Variants in BTG4 observed in about 807,000 individuals in gnomAD.
BTG4 encodes protein BTG4.
BTG4 carries 10 observed loss-of-function variants against 19.3 expected under a neutral mutation model. The ratio of observed to expected loss-of-function variants is 0.52; its 90% CI spans 0.32 to 0.88. The LOEUF is 0.88. Among genes scored for constraint, BTG4 ranks in the 40% least tolerant of loss-of-function variants. BTG4 has a pLI of 0.04. For synonymous variants in BTG4, 91 were observed against 95.7 expected (o/e 0.95, Z 0.29); for missense variants, 238 against 281.9 (o/e 0.84, Z 1.11).
At chr11:111,389,555 G>A in the BTG4 span, among the ~76,000 whole-genome samples, 10 of 152,314 alleles carry the variant, frequency 6.6e-5, no homozygotes, top group African/African-American at 2.4e-4. Flanking sequence ...TCCATGATCC[G>A]TGGTCCACCA....
the BTG4 span, chr11:111,454,465 A>G: frequency 2.7e-6 from 1 of 370,606 alleles, no homozygotes; most frequent in Non-Finnish European, 5.3e-6. Flanking sequence ...GAGTCCAAAG[A>G]ATATGGAACA....
intron 5 of BTG4, among the ~76,000 whole-genome samples, chr11:111,479,184 C>T (rs1193900714): frequency 6.6e-6 from 1 of 152,034 alleles, no homozygotes; most frequent in East Asian, 1.9e-4. Flanking sequence ...CATCAGAAAC[C>T]AGGAAGCCAG....
At chr11:111,434,776 C>A in the BTG4 span, among the ~76,000 whole-genome samples, 4 of 151,894 alleles carry the variant, frequency 2.6e-5, no homozygotes, top group African/African-American at 9.7e-5. Context: ...TCCTGGCAAT[C>A]CCTCTTCCTA....
chr11:111,390,852 C>T, the BTG4 span, among the ~76,000 whole-genome samples: 1 of 152,216 alleles, frequency 6.6e-6, no homozygotes, highest in Admixed American at 6.5e-5. Flanking sequence ...CCAGTTGAGG[C>T]AGACTTCACA....
the BTG4 span, among the ~76,000 whole-genome samples, chr11:111,408,764 C>A: frequency 6.6e-6 from 1 of 152,160 alleles, no homozygotes. Context: ...ACCTATTCAC[C>A]TATACAAAGA....
chr11:111,437,579 C>A, the BTG4 span, among the ~76,000 whole-genome samples: 2 of 152,198 alleles, frequency 1.3e-5, no homozygotes, highest in African/African-American at 4.8e-5. Flanking sequence ...GCCAGTGAAC[C>A]AGCCACTGAA....
chr11:111,486,027 G>C (rs1471187131), intron 5 of BTG4, among the ~76,000 whole-genome samples: 1 of 152,190 alleles, frequency 6.6e-6, no homozygotes, highest in Non-Finnish European at 1.5e-5. Context: ...AACCTGTCAA[G>C]ATTGAAACCT....
chr11:111,479,699 C>T (rs1326827270), intron 5 of BTG4, among the ~76,000 whole-genome samples: 2 of 151,938 alleles, frequency 1.3e-5, no homozygotes, highest in African/African-American at 2.4e-5. Context: ...ATATTTAATG[C>T]AAGTATATTA....
the BTG4 span, among the ~76,000 whole-genome samples, chr11:111,437,204 T>C: frequency 6.6e-6 from 1 of 151,984 alleles, no homozygotes; most frequent in East Asian, 1.9e-4. Flanking sequence ...CAATTTTTTC[T>C]TTGGCTTCCA....
At chr11:111,388,280 AGTTGGTTGGTTGGTTGGTTG>A in the BTG4 span, among the ~76,000 whole-genome samples, 2 of 145,590 alleles carry the variant, frequency 1.4e-5, no homozygotes, top group African/African-American at 5.0e-5. Context: ...GCCATGACTC[AGTTGGTTGGTTGGTTGGTTG>A]GTTGGTTGGT....
At chr11:111,405,132 G>A in the BTG4 span, among the ~76,000 whole-genome samples, 11 of 152,138 alleles carry the variant, frequency 7.2e-5, no homozygotes, top group East Asian at 5.8e-4. Context: ...CCGGCCAGGC[G>A]CGGTGGCTCA....
At chr11:111,510,353 C>T (rs746519373) in intron 1 of BTG4, among the ~76,000 whole-genome samples, 1 of 152,168 alleles carries the variant, frequency 6.6e-6, no homozygotes, top group Non-Finnish European at 1.5e-5. Context: ...TAGTCATCAA[C>T]CTTGTCTCTC....
chr11:111,423,074 C>T, the BTG4 span, among the ~76,000 whole-genome samples: 1 of 152,110 alleles, frequency 6.6e-6, no homozygotes. Context: ...CTGGCTGCTC[C>T]TCAGCAGACA....
chr11:111,492,012 A>T (rs2135640163), downstream of BTG4, among the ~76,000 whole-genome samples: 1 of 152,322 alleles, frequency 6.6e-6, no homozygotes, highest in African/African-American at 2.4e-5. Context: ...TCATATGCTC[A>T]TGGATGGCTG....
chr11:111,493,443 T>C (rs1290512749), downstream of BTG4, among the ~76,000 whole-genome samples: 6 of 152,206 alleles, frequency 3.9e-5, no homozygotes, highest in Non-Finnish European at 7.3e-5. Context: ...TCTAACTTGA[T>C]GGTTAAGGAT....
At chr11:111,502,029 T>C (rs985395535) in intron 1 of BTG4, among the ~76,000 whole-genome samples, 2 of 152,196 alleles carry the variant, frequency 1.3e-5, no homozygotes, top group Non-Finnish European at 2.9e-5. Flanking sequence ...CATGATGTAG[T>C]TGTCATTCCT....
At chr11:111,465,247 C>G (rs1300851058), downstream of BTG4, among the ~76,000 whole-genome samples, 1 of 152,144 alleles carries the variant, frequency 6.6e-6, no homozygotes, top group Non-Finnish European at 1.5e-5. Context: ...CAGTGCAGGG[C>G]TCCAGGTAAG....
At chr11:111,484,764 T>C (rs960833920) in intron 5 of BTG4, among the ~76,000 whole-genome samples, 3 of 152,128 alleles carry the variant, frequency 2.0e-5, no homozygotes, top group Admixed American at 6.6e-5. Context: ...AAAATGGCAG[T>C]AGTAAGTTCT....
At chr11:111,493,533 C>A (rs112383590), downstream of BTG4, among the ~76,000 whole-genome samples, 3 of 152,222 alleles carry the variant, frequency 2.0e-5, no homozygotes, top group South Asian at 6.2e-4. Flanking sequence ...TTGTTTCTGC[C>A]CCATTATCTG....
Sources: gnomAD v4.1 joint callset for allele counts (sites outside exome capture counted in the v4.1 genomes callset) on GRCh38, gnomAD v4.1.1 for gene constraint, MANE v1.5 for transcripts, NCBI Gene and HGNC (gene_info 2026-07-23, HGNC 2026-07-21) for gene names.